Variants in CCDC32 observed in about 807,000 individuals in gnomAD.
The protein encoded by CCDC32 is coiled-coil domain-containing protein 32.
A neutral mutation model predicts 20.1 loss-of-function variants in CCDC32; 9 were observed. That is an observed-to-expected ratio of 0.45 (90% CI 0.27 to 0.78). The LOEUF is 0.78. CCDC32 is among the 30% of genes least tolerant of loss of function. CCDC32 has a pLI of 0.16. For missense variants in CCDC32, 204 were observed against 215.5 expected (o/e 0.95, Z 0.33); for synonymous variants, 63 against 79.0 (o/e 0.80, Z 1.07).
chr15:40,527,243 T>C (rs899366597), downstream of CCDC32, among the ~76,000 whole-genome samples: 17 of 152,188 alleles, frequency 1.1e-4, no homozygotes, highest in Non-Finnish European at 2.4e-4. Context: ...CGATCTCAGC[T>C]CACTGCAACC....
In CCDC32 at chr15:40,553,624, C is replaced by A. The variant is rs2141631161; in HGVS notation, c.*347G>T. On this transcript the variant is annotated 3_prime_UTR_variant, in exon 4 of 4. Transcript: ENST00000416810. ...TACACATAAGAGGCCTCAGTTTCTC[C>A]AAGTACTTTCACATTTGATCTTTAG... The A allele has an allele frequency of 7.6e-6, 8 of 1,052,880 alleles. No homozygotes were observed. The highest frequency in any genetic ancestry group is 9.1e-6 in the Non-Finnish European group (8 of 875,286). 65.2% of individuals were successfully genotyped at this position (1,052,880 alleles called of 1,614,324 possible).
At chr15:40,528,918 C>A in intron 3 of CCDC32, 1 of 617,248 alleles carries the variant, frequency 1.6e-6, no homozygotes, top group Non-Finnish European at 2.9e-6. Flanking sequence ...GGCTCCAGCA[C>A]GTGCTGAGTG....
downstream of CCDC32, chr15:40,531,498 T>A (rs1888876930): frequency 6.6e-6 from 1 of 152,072 alleles, no homozygotes; most frequent in South Asian, 2.1e-4. Context: ...AAATTTATAT[T>A]TTTAAAAAGT....
chr15:40,552,731 T>C (rs1336617819), downstream of CCDC32: 1 of 117,390 alleles, frequency 8.5e-6, no homozygotes, highest in East Asian at 2.5e-4. Flanking sequence ...ACTATATGAT[T>C]GTACCATTGC....
rs899850330 is a variant in CCDC32 at position 40,545,452 on chromosome 15, G to A, written c.402-6097C>T. Among the ~76,000 whole-genome samples, 4 of 102,140 alleles carry A rather than the reference G, an allele frequency of 3.9e-5. No homozygotes were observed. The Admixed American group carries it at 4.8e-4, about 12-fold the overall frequency. The allele number at this position is 102,140 out of a possible 152,430, so 67.0% of individuals were successfully genotyped here. A position where few individuals can be genotyped will look rare whatever the true frequency, so the allele number is the denominator to read the frequency against. ...TCAAAATGAAGGGAGGAGAGAGTCAGTTTGTTTGGGAAAAGAAAACCTTTA... is the reference window on the plus strand; with the variant it reads ...TCAAAATGAAGGGAGGAGAGAGTCAATTTGTTTGGGAAAAGAAAACCTTTA... On this transcript the variant is annotated intron_variant, in intron 3 of 3. Coordinates refer to the CCDC32 transcript ENST00000558113.
chr15:40,532,150 G>A, downstream of CCDC32: 1 of 556,224 alleles, frequency 1.8e-6, no homozygotes, highest in Non-Finnish European at 3.2e-6. Flanking sequence ...CTAGTTTTCA[G>A]CACTTGACCA....
At chr15:40,530,600 GA>G (rs1888844040), downstream of CCDC32, among the ~76,000 whole-genome samples, 1 of 150,828 alleles carries the variant, frequency 6.6e-6, no homozygotes, top group African/African-American at 2.4e-5. Flanking sequence ...CTTCCACCAT[GA>G]TTGTAAGCTT....
rs759566170 is a variant in CCDC32 at position 40,539,241 on chromosome 15, T to G, written c.516A>C (p.Ser172=). 5.9e-6 allele frequency: 9 copies of G among 1,535,328 alleles called. No individual in the cohort carries two copies. In the African/African-American group the frequency reaches 8.2e-5, roughly 14 times the overall value. The change falls in exon 4 of 4, where the codon TCA becomes TCC. Residue 172 remains serine (S), a synonymous_variant. Transcript: ENST00000558113. Reference sequence around the variant, plus strand: ...GCCTGGCCCGCCCTGGCTGTTACCATGACGACTGCTGGGCTGGAAATGTCC... The same window carrying G: ...GCCTGGCCCGCCCTGGCTGTTACCAGGACGACTGCTGGGCTGGAAATGTCC...
At chr15:40,563,806 T>A (rs1389218455) in intron 1 of CCDC32, among the ~76,000 whole-genome samples, 1 of 143,696 alleles carries the variant, frequency 7.0e-6, no homozygotes, top group Non-Finnish European at 1.5e-5. Context: ...TAAATTCTGT[T>A]TTTTTTTCTT....
chr15:40,532,262 A>G, downstream of CCDC32: 1 of 703,296 alleles, frequency 1.4e-6, no homozygotes, highest in Non-Finnish European at 2.6e-6. Context: ...TTGTCCTGGC[A>G]TCAGGTGTCA....
the CCDC32 span, among the ~76,000 whole-genome samples, chr15:40,522,386 G>A: frequency 6.6e-6 from 1 of 152,204 alleles, no homozygotes; most frequent in Admixed American, 6.5e-5. Context: ...AAATTAGGAA[G>A]TGTGAGCCCT....
chr15:40,534,053 C>T (rs1889003339), downstream of CCDC32, among the ~76,000 whole-genome samples: 1 of 152,186 alleles, frequency 6.6e-6, no homozygotes, highest in Non-Finnish European at 1.5e-5. Context: ...TTCACACAGC[C>T]ATTTAAAATA....
downstream of CCDC32, among the ~76,000 whole-genome samples, chr15:40,533,508 G>A (rs546040897): frequency 2.0e-5 from 3 of 151,908 alleles, no homozygotes; most frequent in Admixed American, 6.6e-5. Flanking sequence ...CACCACGCCC[G>A]GCTAATTTTT....
chr15:40,551,629 C>T (rs542639175), downstream of CCDC32, among the ~76,000 whole-genome samples: 3 of 151,598 alleles, frequency 2.0e-5, no homozygotes, highest in East Asian at 1.9e-4. Context: ...GACAACATGG[C>T]GAAATCCCAT....
At chr15:40,528,416 G>C (rs577734143), downstream of CCDC32, among the ~76,000 whole-genome samples, 3 of 152,180 alleles carry the variant, frequency 2.0e-5, no homozygotes, top group Non-Finnish European at 2.9e-5. Flanking sequence ...TGGAGCTTGC[G>C]TGGAGCCAGG....
chr15:40,541,595 G>A (rs1341388134), intron 3 of CCDC32, among the ~76,000 whole-genome samples: 2 of 152,184 alleles, frequency 1.3e-5, no homozygotes, highest in Non-Finnish European at 2.9e-5. Flanking sequence ...GCCTCCCACA[G>A]TGTTGGGATT....
downstream of CCDC32, chr15:40,537,392 G>C (rs963132351): frequency 6.6e-6 from 1 of 152,424 alleles, no homozygotes; most frequent in African/African-American, 2.4e-5. Context: ...CCCATGCAGG[G>C]AACAGTGAAT....
In CCDC32 at chr15:40,562,875, G is replaced by A; in HGVS notation, c.141C>T (p.Cys47=). The change falls in exon 2 of 4, where the codon TGC becomes TGT. Residue 47 remains cysteine (C), a synonymous_variant. Transcript: ENST00000416810. ...NAFSDSFVDS[C]PEGEGQREVA... is the part of the protein sequence containing the mutation. ...CCTCCCTCTGGCCTTCACCTTCAGG[G>A]CAAGAATCCACAAAGGAGTCTGAGA... The A allele has an allele frequency of 1.2e-6, 2 of 1,614,192 alleles. No individual in the cohort carries two copies. The highest frequency in any genetic ancestry group is 1.7e-6 in the Non-Finnish European group (2 of 1,180,044).
chr15:40,560,260 G>A (rs908987633), intron 2 of CCDC32, among the ~76,000 whole-genome samples: 4 of 152,050 alleles, frequency 2.6e-5, no homozygotes, highest in African/African-American at 7.2e-5. Flanking sequence ...TGCCTGCCTC[G>A]GTCTCCCAAA....
Sources: gnomAD v4.1 joint callset for allele counts (sites outside exome capture counted in the v4.1 genomes callset) on GRCh38, gnomAD v4.1.1 for gene constraint, MANE v1.5 for transcripts, NCBI Gene and HGNC (gene_info 2026-07-23, HGNC 2026-07-21) for gene names.